The following ATP2C2 variants were observed in gnomAD, a reference collection of about 807,000 sequenced individuals.
ATP2C2 encodes the protein calcium-transporting ATPase type 2C member 2.
Under a neutral mutation model 110.8 loss-of-function variants are expected in ATP2C2, and 171 were observed. That is an observed-to-expected ratio of 1.54 (90% confidence interval 1.36 to 1.75). ATP2C2 has a LOEUF of 1.75. ATP2C2 is among the 40% of genes most tolerant of loss of function. The probability of loss-of-function intolerance (pLI) is 0.00; values close to 1 mark genes in which losing one functional copy is unlikely to be tolerated. For synonymous variants in ATP2C2, 804 were observed against 508.4 expected, an observed-to-expected ratio of 1.58 and a Z score of -7.82; for missense variants, 1,963 against 1,235.0, an observed-to-expected ratio of 1.59 and a Z score of -8.84.
intron 15 of ATP2C2, among the ~76,000 whole-genome samples, chr16:84,444,348 C>T (rs1909554720): frequency 6.6e-6 from 1 of 151,994 alleles, no homozygotes. Context: ...TGGTGCACAC[C>T]TGTAATCCCA....
intron 6 of ATP2C2, among the ~76,000 whole-genome samples, chr16:84,413,925 A>C (rs1227351910): frequency 6.6e-6 from 1 of 152,188 alleles, no homozygotes; most frequent in Non-Finnish European, 1.5e-5. Flanking sequence ...TGGGGACCTC[A>C]CATTCCTACC....
intron 15 of ATP2C2, among the ~76,000 whole-genome samples, chr16:84,443,055 C>A (rs567744389): frequency 6.6e-6 from 1 of 152,102 alleles, no homozygotes; most frequent in Admixed American, 6.5e-5. Flanking sequence ...GTACCCAGCA[C>A]CAGGTACCAA....
At chr16:84,400,767 C>G (rs544254209) in intron 2 of ATP2C2, among the ~76,000 whole-genome samples, 89 of 152,208 alleles carry the variant, frequency 5.8e-4, no homozygotes, top group Non-Finnish European at 9.6e-4. Flanking sequence ...GCCATTTTAA[C>G]TGTGATGAGA....
At chr16:84,409,093 C>G (rs1469987935) in intron 4 of ATP2C2, among the ~76,000 whole-genome samples, 1 of 152,176 alleles carries the variant, frequency 6.6e-6, no homozygotes, top group Admixed American at 6.5e-5. Flanking sequence ...GTTGAATGAC[C>G]TATTCTGGAT....
chr16:84,408,553 T>C, intron 4 of ATP2C2, 59 bp downstream of exon 4: 1 of 1,350,320 alleles, frequency 7.4e-7, no homozygotes, highest in Admixed American at 1.8e-5. Context: ...GCTGAGTCTC[T>C]GCTTGTTATT....
At chr16:84,453,424 A>G in intron 20 of ATP2C2, 53 bp downstream of exon 20, 2 of 1,605,710 alleles carry the variant, frequency 1.2e-6, no homozygotes, top group Non-Finnish European at 1.7e-6. Context: ...GGCCAGAGAC[A>G]CTGTGGCTCG....
In ATP2C2 at chr16:84,408,361, C is replaced by A. The variant is rs751940209; in HGVS notation, c.328-44C>A. On this transcript the variant is annotated intron_variant, in intron 3 of 26. Coordinates refer to ENST00000262429, the MANE Select transcript of ATP2C2 (RefSeq NM_014861.4). ...GCACAGTAAGAAACCCATTCTGGTC[C>A]CTGAGACTAAAGAACGTGCCCCACC... 12 of 1,575,786 alleles carry A rather than the reference C, an allele frequency of 7.6e-6. No homozygotes were observed. In the African/African-American group the frequency reaches 1.5e-4, roughly 19 times the overall value.
At chr16:84,440,014 C>G (rs1159991536) in intron 13 of ATP2C2, among the ~76,000 whole-genome samples, 1 of 152,186 alleles carries the variant, frequency 6.6e-6, no homozygotes, top group African/African-American at 2.4e-5. Flanking sequence ...TTTGTATTTT[C>G]TAGTAGAGAC....
chr16:84,437,817 A>G (rs575143844), intron 11 of ATP2C2, among the ~76,000 whole-genome samples: 1 of 152,304 alleles, frequency 6.6e-6, no homozygotes, highest in African/African-American at 2.4e-5. Context: ...CCCCCTGCCT[A>G]GAACATTTTC....
At chr16:84,448,498 G>C (rs769946398) in intron 16 of ATP2C2, 35 bp from the exon 17 acceptor site, 2 of 1,587,700 alleles carry the variant, frequency 1.3e-6, no homozygotes, top group Admixed American at 1.7e-5. Flanking sequence ...AAGGCTTCCA[G>C]TGATAGTGGA....
At chr16:84,424,855 T>C (rs576930530) in intron 10 of ATP2C2, among the ~76,000 whole-genome samples, 109 of 152,260 alleles carry the variant, frequency 7.2e-4, no homozygotes, top group Non-Finnish European at 1.3e-3. Flanking sequence ...GTGAGGAGTC[T>C]CCAGCCTTCT....
intron 20 of ATP2C2, among the ~76,000 whole-genome samples, chr16:84,454,525 C>G (rs971348459): frequency 2.0e-5 from 3 of 152,166 alleles, no homozygotes; most frequent in East Asian, 1.9e-4. Context: ...ACTGGATAAC[C>G]TTTATGAGCC....
rs1911395177 is a variant in ATP2C2 at position 84,461,904 on chromosome 16, G to C, written c.2581-84G>C. 6.8e-6 allele frequency: 11 copies of C among 1,606,512 alleles called. No individual in the cohort carries two copies. In the East Asian group the frequency reaches 2.5e-4, roughly 36 times the overall value. On this transcript the variant is annotated intron_variant, in intron 25 of 26. Coordinates refer to ENST00000262429, the MANE Select transcript of ATP2C2 (RefSeq NM_014861.4). ...CTGCCCGCAGCATTGAGCGGCTCTGGCTCAGCGTGGGCAGTCAGAGCTCCC... is the reference window on the plus strand; with the variant it reads ...CTGCCCGCAGCATTGAGCGGCTCTGCCTCAGCGTGGGCAGTCAGAGCTCCC...
chr16:84,395,361 G>A (rs1309698839), intron 1 of ATP2C2, among the ~76,000 whole-genome samples: 1 of 152,062 alleles, frequency 6.6e-6, no homozygotes, highest in Non-Finnish European at 1.5e-5. Context: ...AGGGACATGT[G>A]GGTGGACAGC....
At chr16:84,452,146 T>C in intron 18 of ATP2C2, 55 bp downstream of exon 18, 1 of 1,596,760 alleles carries the variant, frequency 6.3e-7, no homozygotes. Flanking sequence ...TCCTTTACGA[T>C]GGGGGGCTGC....
rs1328291972 is a variant in ATP2C2, at chr16:84,453,236, G to T, written c.1929+1G>T. ...CGAGCTGGCCGACCGCGTGGGGAAG[G>T]TGGGTCCCCGGAGGCTTGGCTGGCA... On this transcript the variant is annotated splice_donor_variant, in intron 19 of 26. Transcript: ENST00000262429. LOFTEE classifies it high-confidence loss of function. 2.7e-5 allele frequency: 43 copies of T among 1,613,938 alleles called. No individual in the cohort carries two copies. The highest frequency in any genetic ancestry group is 3.3e-5 in the Non-Finnish European group (39 of 1,179,938).
At chr16:84,460,130 C>T (rs989928390) in intron 23 of ATP2C2, 26 of 203,084 alleles carry the variant, frequency 1.3e-4, no homozygotes, top group Non-Finnish European at 1.9e-4. Context: ...AGGGTTACCT[C>T]TCCTGCCAGC....
intron 1 of ATP2C2, among the ~76,000 whole-genome samples, chr16:84,397,069 C>T (rs1020701455): frequency 5.3e-5 from 8 of 151,828 alleles, no homozygotes; most frequent in African/African-American, 1.7e-4. Context: ...TTCCAGTAAC[C>T]TGGTGGAAAA....
intron 11 of ATP2C2, 200 bp from the exon 12 acceptor site, chr16:84,438,965 CG>C (rs1908989469): frequency 3.3e-6 from 2 of 600,054 alleles, no homozygotes; most frequent in Admixed American, 6.5e-5. Flanking sequence ...TTCCCAAGAG[CG>C]GGGTCTGCAG....
Sources: gnomAD v4.1 joint callset for allele counts (sites outside exome capture counted in the v4.1 genomes callset) on GRCh38, gnomAD v4.1.1 for gene constraint, MANE v1.5 for transcripts, NCBI Gene and HGNC (gene_info 2026-07-23, HGNC 2026-07-21) for gene names.